Variants in CTNNA3 observed in about 807,000 individuals in gnomAD.
CTNNA3 encodes the protein catenin alpha 3.
CTNNA3 carries 76 observed loss-of-function variants against 95.7 expected under a neutral mutation model. The observed-to-expected ratio is 0.79, with a 90% CI of 0.66 to 0.96. The LOEUF is 0.96. Ranked by LOEUF, CTNNA3 falls within the 40% of genes least tolerant of loss-of-function variation. CTNNA3 has a pLI of 0.00. For synonymous variants in CTNNA3, 431 were observed against 374.4 expected (o/e 1.15, Z -1.74); for missense variants, 1,191 against 1,089.8 (o/e 1.09, Z -1.31).
intron 7 of CTNNA3, among the ~76,000 whole-genome samples, chr10:66,862,322 A>G (rs1564730766): frequency 6.6e-6 from 1 of 152,200 alleles, no homozygotes; most frequent in Non-Finnish European, 1.5e-5. Context: ...ATTGGCTTTC[A>G]TTATATGTAT....
intron 11 of CTNNA3, among the ~76,000 whole-genome samples, chr10:66,477,270 T>C (rs994308545): frequency 6.6e-6 from 1 of 152,252 alleles, no homozygotes; most frequent in South Asian, 2.1e-4. Flanking sequence ...ATCAATAGTT[T>C]GACTAAATTT....
At chr10:67,088,129 G>T (rs1287601707) in intron 7 of CTNNA3, among the ~76,000 whole-genome samples, 2 of 151,510 alleles carry the variant, frequency 1.3e-5, no homozygotes, top group African/African-American at 4.8e-5. Context: ...AAAATTGAGA[G>T]ATGCCAAATG....
intron 6 of CTNNA3, among the ~76,000 whole-genome samples, chr10:67,216,140 G>C (rs771806109): frequency 6.6e-6 from 1 of 152,122 alleles, no homozygotes; most frequent in South Asian, 2.1e-4. Flanking sequence ...GACTAACAGA[G>C]ATCCTGTTTT....
chr10:67,005,480 C>T (rs1208731802), intron 7 of CTNNA3, among the ~76,000 whole-genome samples: 4 of 151,696 alleles, frequency 2.6e-5, no homozygotes, highest in Non-Finnish European at 5.9e-5. Flanking sequence ...TCACATAGGC[C>T]ATAGGTTTTA....
intron 5 of CTNNA3, among the ~76,000 whole-genome samples, chr10:67,415,172 G>A (rs1845501748): frequency 6.6e-6 from 1 of 152,130 alleles, no homozygotes; most frequent in African/African-American, 2.4e-5. Context: ...CCAGGCAAGA[G>A]AAAGAAATAA....
chr10:66,543,830 G>A (rs1841942931), intron 10 of CTNNA3, among the ~76,000 whole-genome samples: 1 of 146,424 alleles, frequency 6.8e-6, no homozygotes, highest in African/African-American at 2.5e-5. Flanking sequence ...CACTGTATAT[G>A]GTGAAATAGG....
intron 15 of CTNNA3, among the ~76,000 whole-genome samples, chr10:66,004,025 C>T (rs3858135): frequency 0.13 from 19,747 of 152,216 alleles, 1,359 homozygotes; most frequent in East Asian, 0.2. Flanking sequence ...AGACGCTCAA[C>T]ACTCCTTAAC....
At chr10:66,163,672 G>A (rs1460602936) in intron 13 of CTNNA3, among the ~76,000 whole-genome samples, 1 of 152,074 alleles carries the variant, frequency 6.6e-6, no homozygotes, top group Non-Finnish European at 1.5e-5. Flanking sequence ...CTGGGTTTCA[G>A]TTATATTATT....
At chr10:66,441,160 C>T (rs1278060564) in intron 11 of CTNNA3, among the ~76,000 whole-genome samples, 1 of 152,102 alleles carries the variant, frequency 6.6e-6, no homozygotes, top group East Asian at 1.9e-4. Flanking sequence ...CAGCAAGACC[C>T]TGTCTTTACA....
At chr10:67,717,396 C>T (rs1256408762) in intron 1 of CTNNA3, among the ~76,000 whole-genome samples, 1 of 152,120 alleles carries the variant, frequency 6.6e-6, no homozygotes, top group Non-Finnish European at 1.5e-5. Context: ...TTTGCTCATG[C>T]CTATGTCCTG....
intron 1 of CTNNA3, among the ~76,000 whole-genome samples, chr10:67,661,150 C>T (rs1355751697): frequency 6.6e-6 from 1 of 151,368 alleles, no homozygotes; most frequent in Admixed American, 6.6e-5. Flanking sequence ...AACTTTGACC[C>T]AGCAATTCAG....
chr10:66,005,336 CT>C (rs2133375467), intron 15 of CTNNA3, among the ~76,000 whole-genome samples: 1 of 152,256 alleles, frequency 6.6e-6, no homozygotes, highest in South Asian at 2.1e-4. Context: ...TATGATGAAG[CT>C]ATTGATTTTC....
intron 13 of CTNNA3, among the ~76,000 whole-genome samples, chr10:66,107,267 C>G (rs768593563): frequency 6.6e-6 from 1 of 152,012 alleles, no homozygotes; most frequent in Non-Finnish European, 1.5e-5. Context: ...CCTATTTTAC[C>G]TCTGGCTTAT....
chr10:65,965,577 G>A (rs185072729), intron 17 of CTNNA3, among the ~76,000 whole-genome samples: 1 of 151,702 alleles, frequency 6.6e-6, no homozygotes, highest in Non-Finnish European at 1.5e-5. Flanking sequence ...GCTAATTTTT[G>A]TATTTTTAGT....
intron 7 of CTNNA3, among the ~76,000 whole-genome samples, chr10:67,038,656 A>C (rs903525506): frequency 2.0e-5 from 3 of 152,100 alleles, no homozygotes; most frequent in Non-Finnish European, 4.4e-5. Flanking sequence ...CTTGTCAACC[A>C]AGAATTGCTT....
chr10:66,362,991 A>ACTT (rs1480550571), intron 12 of CTNNA3, among the ~76,000 whole-genome samples: 1 of 152,140 alleles, frequency 6.6e-6, no homozygotes, highest in African/African-American at 2.4e-5. Context: ...TTCATTATAA[A>ACTT]CTTAGATCAG....
At chr10:67,513,440 G>C (rs1839705101) in intron 5 of CTNNA3, among the ~76,000 whole-genome samples, 1 of 152,214 alleles carries the variant, frequency 6.6e-6, no homozygotes, top group Admixed American at 6.5e-5. Context: ...GAAATGTAGA[G>C]TGGCTGGAGG....
chr10:66,732,501 G>A (rs1297978269), intron 9 of CTNNA3, among the ~76,000 whole-genome samples: 1 of 152,144 alleles, frequency 6.6e-6, no homozygotes, highest in African/African-American at 2.4e-5. Flanking sequence ...CATGGCTGAG[G>A]AGGCCTAGAA....
chr10:67,061,345 C>T (rs541818850), intron 7 of CTNNA3, among the ~76,000 whole-genome samples: 1 of 152,316 alleles, frequency 6.6e-6, no homozygotes, highest in African/African-American at 2.4e-5. Flanking sequence ...TACATGATGA[C>T]AGCACTATTT....
Sources: allele counts gnomAD v4.1 joint callset (sites outside exome capture counted in the v4.1 genomes callset), GRCh38; gene constraint gnomAD v4.1.1; transcripts MANE v1.5; gene names NCBI Gene and HGNC (gene_info 2026-07-23, HGNC 2026-07-21).